The following TULP2 variants were observed in gnomAD, a reference collection of about 807,000 sequenced individuals.
TULP2 encodes the protein TUB like protein 2, also known as tubby-related protein 2.
A neutral mutation model predicts 60.3 loss-of-function variants in TULP2; 64 were observed. The observed-to-expected ratio is 1.06, with a 90% CI of 0.87 to 1.31. The LOEUF is 1.31. Ranked by LOEUF, TULP2 falls within the 50% of genes most tolerant of loss-of-function variation. The pLI is 0.00. For missense variants in TULP2, 652 were observed against 667.0 expected, an observed-to-expected ratio of 0.98 and a Z score of 0.25; for synonymous variants, 267 against 265.4, an observed-to-expected ratio of 1.01 and a Z score of -0.06.
At chr19:48,888,399 T>C (rs1224322915) in intron 7 of TULP2, 138 bp from the exon 8 acceptor site, 2 of 857,346 alleles carry the variant, frequency 2.3e-6, no homozygotes, top group Non-Finnish European at 3.5e-6. Flanking sequence ...TCTCATTCAG[T>C]CCACCCAGTC....
chr19:48,889,450 C>T (rs1178544734), intron 7 of TULP2, 60 bp downstream of exon 7: 1 of 1,527,248 alleles, frequency 6.5e-7, no homozygotes, highest in African/African-American at 1.4e-5. Context: ...CCCACCCTCA[C>T]CAGAGGTCCG....
chr19:48,890,096 TG>T (rs2037218881), intron 6 of TULP2, among the ~76,000 whole-genome samples: 1 of 152,030 alleles, frequency 6.6e-6, no homozygotes, highest in Admixed American at 6.5e-5. Flanking sequence ...GAGGAAGGCA[TG>T]CCTCTTGCAG....
At chr19:48,896,408 GC>G (rs2037281692) in intron 4 of TULP2, 21 bp downstream of exon 4, 5 of 1,571,520 alleles carry the variant, frequency 3.2e-6, no homozygotes, top group Admixed American at 1.9e-5. Flanking sequence ...CCAGGCGAAC[GC>G]CCCCAGGGGT....
chr19:48,889,424 G>T, intron 7 of TULP2, 86 bp downstream of exon 7: 3 of 1,485,232 alleles, frequency 2.0e-6, no homozygotes, highest in Non-Finnish European at 2.7e-6. Flanking sequence ...TTCTGATTGG[G>T]TGGCAGAATT....
intron 6 of TULP2, among the ~76,000 whole-genome samples, chr19:48,894,466 C>T (rs2037260405): frequency 1.3e-5 from 2 of 152,098 alleles, no homozygotes; most frequent in Admixed American, 6.6e-5. Context: ...CATGGTGAAA[C>T]CCCATCTTTA....
intron 11 of TULP2, 94 bp from the exon 12 acceptor site, chr19:48,882,297 T>C: frequency 7.2e-7 from 1 of 1,397,110 alleles, no homozygotes; most frequent in South Asian, 1.3e-5. Flanking sequence ...GGCGACTCCA[T>C]CTTGAACAGG....
rs759003545 is a variant in TULP2, at chr19:48,898,245, AG to A, written c.-2+344del. On this transcript the variant is annotated intron_variant, in intron 1 of 12. Transcript: ENST00000221399. ...TGGCCTTCCAAAGTGCTAGGATTAC[AG>A]GCATGAGCCACAGTGCCCGGCCTGA... 2 of 154,888 alleles carry A rather than the reference AG, an allele frequency of 1.3e-5. 1 individual carries two copies. Among genetic ancestry groups the A allele is most frequent in the Non-Finnish European group, 2.8e-5 (2 of 70,620 alleles). 9.6% of individuals were successfully genotyped at this position (154,888 alleles called of 1,614,324 possible).
At chr19:48,887,456 C>T (rs2037191599) in intron 8 of TULP2, among the ~76,000 whole-genome samples, 1 of 151,274 alleles carries the variant, frequency 6.6e-6, no homozygotes, top group Admixed American at 6.6e-5. Flanking sequence ...TCCCGAGTAG[C>T]TTGGACTACA....
chr19:48,890,550 C>T (rs1194248660), intron 6 of TULP2, among the ~76,000 whole-genome samples: 4 of 152,214 alleles, frequency 2.6e-5, no homozygotes, highest in Admixed American at 6.5e-5. Flanking sequence ...CCAAGTCTCT[C>T]GTTCCACCTA....
At chr19:48,884,953 T>G (rs2037166868) in intron 9 of TULP2, among the ~76,000 whole-genome samples, 1 of 131,372 alleles carries the variant, frequency 7.6e-6, no homozygotes, top group Non-Finnish European at 1.5e-5. Context: ...CAAGCTGGAG[T>G]GCAGTGGCTC....
intron 6 of TULP2, among the ~76,000 whole-genome samples, chr19:48,893,350 A>G (rs2037250565): frequency 6.6e-6 from 1 of 151,146 alleles, no homozygotes; most frequent in South Asian, 2.1e-4. Flanking sequence ...AGCCTGGGAG[A>G]CAGAGCAAGA....
chr19:48,896,202 G>A (rs2037279221), intron 4 of TULP2, among the ~76,000 whole-genome samples: 1 of 151,748 alleles, frequency 6.6e-6, no homozygotes, highest in Non-Finnish European at 1.5e-5. Flanking sequence ...GCGCTCTGTA[G>A]CCCTGCCCCG....
Position 48,888,157 on chromosome 19 carries a change from G to A in TULP2, c.741C>T (p.Gly247=). ...CGTGCCTCATATGGTCGCTGTCCGT[G>A]CCACCCTCGCCTTTCAGGGCCTTGG... ...ELSKALKGEG[G]TDSDHMRHEA... is the part of the protein sequence containing the mutation. Residue 247 remains glycine (G), a synonymous_variant, in exon 8 of 13, where the codon GGC becomes GGT. Transcript: ENST00000221399. The A allele has an allele frequency of 2.5e-6, 4 of 1,614,184 alleles. No individual in the cohort carries two copies. Among genetic ancestry groups the A allele is most frequent in the Non-Finnish European group, 2.5e-6 (3 of 1,180,022 alleles).
chr19:48,895,339 C>T (rs1239433317), intron 5 of TULP2, 27 bp downstream of exon 5: 1 of 1,610,874 alleles, frequency 6.2e-7, no homozygotes, highest in Admixed American at 1.7e-5. Context: ...GTTCTGGGGT[C>T]TAGGAGGTCG....
chr19:48,888,990 AT>A (rs1207924162), intron 7 of TULP2, among the ~76,000 whole-genome samples: 445 of 118,484 alleles, frequency 3.8e-3, no homozygotes, highest in African/African-American at 8.0e-3. Flanking sequence ...GGCTGCACCT[AT>A]TTTTTTTTTT....
At chr19:48,887,596 C>T (rs2037193154) in intron 8 of TULP2, among the ~76,000 whole-genome samples, 2 of 151,832 alleles carry the variant, frequency 1.3e-5, no homozygotes, top group African/African-American at 2.4e-5. Context: ...CTTCCTCTGT[C>T]GCCTAGGCTG....
rs201250541 is a variant in TULP2, at chr19:48,889,491, T to C, written c.636+19A>G. 2 of 1,568,634 alleles carry C rather than the reference T, an allele frequency of 1.3e-6. No individual in the cohort carries two copies. Among genetic ancestry groups the C allele is most frequent in the Middle Eastern group, 1.7e-4 (1 of 5,914 alleles). On this transcript the variant is annotated intron_variant, in intron 7 of 12. Coordinates refer to ENST00000221399, the MANE Select transcript of TULP2 (RefSeq NM_003323.3). Reference sequence around the variant, plus strand: ...AGCCCTCTTCTTCCAATATCCTGAGTGATTGTGCATTTTCCTACCTTTTGG... The same window carrying C: ...AGCCCTCTTCTTCCAATATCCTGAGCGATTGTGCATTTTCCTACCTTTTGG...
At chr19:48,891,267 T>G (rs2037230315) in intron 6 of TULP2, among the ~76,000 whole-genome samples, 1 of 143,338 alleles carries the variant, frequency 7.0e-6, no homozygotes. Context: ...GAGCTTGCAG[T>G]GAGCCGAGAT....
chr19:48,881,978 A>G (rs867176671), intron 12 of TULP2, 54 bp downstream of exon 12: 2 of 1,612,536 alleles, frequency 1.2e-6, no homozygotes, highest in Admixed American at 3.3e-5. Context: ...CCTTCCGTTC[A>G]CACCCTAACC....
Sources: allele counts gnomAD v4.1 joint callset (sites outside exome capture counted in the v4.1 genomes callset), GRCh38; gene constraint gnomAD v4.1.1; transcripts MANE v1.5; gene names NCBI Gene and HGNC (gene_info 2026-07-23, HGNC 2026-07-21).